The following CTNNA2 variants were observed in gnomAD, a reference collection of about 807,000 sequenced individuals.
CTNNA2 encodes catenin alpha-2.
In CTNNA2, 42 loss-of-function variants were observed where a neutral mutation model predicts 101.0. The ratio of observed to expected loss-of-function variants is 0.42; its 90% CI spans 0.32 to 0.54. The LOEUF is 0.54. Ranked by LOEUF, CTNNA2 falls within the 20% of genes least tolerant of loss-of-function variation. The probability of loss-of-function intolerance (pLI) is 0.14; values close to 1 mark genes in which losing one functional copy is unlikely to be tolerated. For missense variants in CTNNA2, 871 were observed against 1,223.1 expected, an observed-to-expected ratio of 0.71 and a Z score of 4.29; for synonymous variants, 450 against 456.4, an observed-to-expected ratio of 0.99 and a Z score of 0.18.
At chr2:79,295,253 T>A (rs2104385418) in intron 2 of CTNNA2, among the ~76,000 whole-genome samples, 1 of 152,262 alleles carries the variant, frequency 6.6e-6, no homozygotes, top group East Asian at 1.9e-4. Flanking sequence ...ACACTTACCT[T>A]GCTGAGAAGA....
chr2:79,977,192 G>A (rs1039639683), intron 7 of CTNNA2, among the ~76,000 whole-genome samples: 4 of 143,976 alleles, frequency 2.8e-5, no homozygotes, highest in Non-Finnish European at 4.6e-5. Flanking sequence ...AATTGCAAAC[G>A]TACACACACA....
At chr2:80,588,669 C>A (rs770764616) in intron 14 of CTNNA2, among the ~76,000 whole-genome samples, 2 of 152,124 alleles carry the variant, frequency 1.3e-5, no homozygotes, top group African/African-American at 4.8e-5. Flanking sequence ...TTTCTGCCTA[C>A]GTACTCAAAG....
rs1184706473 is a variant in CTNNA2 at position 79,818,841 on chromosome 2, ATATATATG to A, written c.299-39171_299-39164del. Among the ~76,000 whole-genome samples, 9 of 139,624 alleles carry A rather than the reference ATATATATG, an allele frequency of 6.4e-5. 1 individual carries two copies. The highest frequency in any genetic ancestry group is 3.8e-3 in the Middle Eastern group (1 of 266). The allele number at this position is 139,624 out of a possible 152,430, so 91.6% of individuals were successfully genotyped here. On this transcript the variant is annotated intron_variant, in intron 3 of 18. Transcript: ENST00000402739. Reference sequence around the variant, plus strand: ...TGCAATTATATATATATATATATATATATATATGGATGTATGTGTATCATATTAAGTAA... The same window carrying A: ...TGCAATTATATATATATATATATATAGATGTATGTGTATCATATTAAGTAA...
intron 4 of CTNNA2, among the ~76,000 whole-genome samples, chr2:79,453,212 C>T (rs139152450): frequency 5.3e-5 from 8 of 152,206 alleles, no homozygotes; most frequent in Admixed American, 1.3e-4. Context: ...ACTATGTACA[C>T]TTTGAGCATA....
intron 7 of CTNNA2, among the ~76,000 whole-genome samples, chr2:79,963,305 T>G (rs1490432522): frequency 6.6e-6 from 1 of 152,156 alleles, no homozygotes; most frequent in Non-Finnish European, 1.5e-5. Context: ...AGATGAGTGT[T>G]ACACACATTC....
chr2:79,487,457 C>A (rs141250503), intron 4 of CTNNA2, among the ~76,000 whole-genome samples: 1 of 152,188 alleles, frequency 6.6e-6, no homozygotes, highest in Non-Finnish European at 1.5e-5. Context: ...GACTCTTGAG[C>A]CTTGCTCATA....
At chr2:79,809,268 A>G (rs972527693) in intron 3 of CTNNA2, among the ~76,000 whole-genome samples, 5 of 152,134 alleles carry the variant, frequency 3.3e-5, no homozygotes, top group African/African-American at 1.2e-4. Context: ...ACGTGTCTTT[A>G]TAGGAGAATG....
At chr2:80,342,788 G>T (rs1467747533) in intron 7 of CTNNA2, among the ~76,000 whole-genome samples, 2 of 152,128 alleles carry the variant, frequency 1.3e-5, no homozygotes, top group Non-Finnish European at 2.9e-5. Context: ...TGATTTTCTA[G>T]AGGGTATCGG....
intron 4 of CTNNA2, among the ~76,000 whole-genome samples, chr2:79,496,511 A>G (rs1021334022): frequency 1.3e-5 from 2 of 152,090 alleles, no homozygotes; most frequent in African/African-American, 4.8e-5. Context: ...TCACTGGCAT[A>G]TAACTATGTT....
chr2:79,288,422 G>A (rs995283661), intron 2 of CTNNA2, among the ~76,000 whole-genome samples: 1 of 152,196 alleles, frequency 6.6e-6, no homozygotes, highest in Non-Finnish European at 1.5e-5. Context: ...GCTCAGCTTG[G>A]TAATCTTCGC....
intron 7 of CTNNA2, among the ~76,000 whole-genome samples, chr2:80,099,761 A>AC: frequency 6.6e-6 from 1 of 151,862 alleles, no homozygotes; most frequent in African/African-American, 2.4e-5. Context: ...CCTTCAAAAA[A>AC]AAAAAAAAAC....
chr2:79,952,942 T>G (rs192192110), intron 7 of CTNNA2, among the ~76,000 whole-genome samples: 158 of 152,346 alleles, frequency 1.0e-3, no homozygotes, highest in African/African-American at 3.6e-3. Flanking sequence ...TACAGCATAC[T>G]CATGAGAAGC....
chr2:79,390,986 A>G (rs937702034), intron 4 of CTNNA2, among the ~76,000 whole-genome samples: 14 of 152,164 alleles, frequency 9.2e-5, no homozygotes, highest in Non-Finnish European at 1.6e-4. Context: ...TTGGTGACTA[A>G]AAAGGTAGAA....
intron 6 of CTNNA2, among the ~76,000 whole-genome samples, chr2:79,904,998 G>A (rs1025688904): frequency 1.3e-5 from 2 of 152,110 alleles, no homozygotes; most frequent in South Asian, 2.1e-4. Context: ...AGAGCAAATG[G>A]GAGATCAATT....
intron 7 of CTNNA2, among the ~76,000 whole-genome samples, chr2:80,128,191 T>C (rs992234273): frequency 2.6e-5 from 4 of 152,174 alleles, no homozygotes; most frequent in African/African-American, 7.2e-5. Context: ...TTGAAATGTT[T>C]TTGACAATGC....
At chr2:80,598,586 A>T (rs216645) in intron 15 of CTNNA2, among the ~76,000 whole-genome samples, 36,706 of 152,096 alleles carry the variant, frequency 0.24, 6,665 homozygotes, top group African/African-American at 0.51. Context: ...ACCATAAACA[A>T]TTACGTCAGG....
intron 6 of CTNNA2, among the ~76,000 whole-genome samples, chr2:79,901,249 ATGAC>A (rs1227928954): frequency 2.0e-5 from 3 of 151,776 alleles, no homozygotes; most frequent in Non-Finnish European, 4.4e-5. Context: ...ATAAAAGTGA[ATGAC>A]TGCATAGAGG....
intron 13 of CTNNA2, 50 bp from the exon 14 acceptor site, chr2:80,581,656 G>A (rs1441870590): frequency 8.7e-7 from 1 of 1,155,478 alleles, no homozygotes; most frequent in African/African-American, 1.5e-5. Context: ...TGTGGATGGG[G>A]GTGAAGATTA....
rs1363873716 is a variant in CTNNA2 at position 80,191,602 on chromosome 2, A to T, written c.1057-201609A>T. On this transcript the variant is annotated intron_variant, in intron 7 of 18. Coordinates refer to ENST00000402739, the MANE Select transcript of CTNNA2 (RefSeq NM_001282597.3). ...AATCTCAGTATATACTCAACTTCAG[A>T]TGTAGTCTCTTGAGTCATCTTAAAG... 2.0e-5 allele frequency among the ~76,000 whole-genome samples: 3 copies of T among 152,186 alleles called. 1 individual carries two copies. Among genetic ancestry groups the T allele is most frequent in the South Asian group, 4.1e-4 (2 of 4,834 alleles).
Sources: allele counts gnomAD v4.1 joint callset (sites outside exome capture counted in the v4.1 genomes callset), GRCh38; gene constraint gnomAD v4.1.1; transcripts MANE v1.5; gene names NCBI Gene and HGNC (gene_info 2026-07-23, HGNC 2026-07-21).